The following NECAB2 variants were observed in gnomAD, a reference collection of about 807,000 sequenced individuals.
NECAB2 encodes the protein N-terminal EF-hand calcium-binding protein 2.
NECAB2 carries 68 observed loss-of-function variants against 51.9 expected under a neutral mutation model. That is an observed-to-expected ratio of 1.31 (90% CI 1.08 to 1.60). The LOEUF is 1.60. Among genes scored for constraint, NECAB2 ranks in the 40% most tolerant of loss-of-function variants. The pLI, the probability that NECAB2 is intolerant of heterozygous loss-of-function variation, is 0.00. For synonymous variants in NECAB2, 329 were observed against 203.5 expected (o/e 1.62, Z -5.25); for missense variants, 854 against 490.3 (o/e 1.74, Z -7.00).
chr16:83,992,811 T>A (rs1256370458), intron 6 of NECAB2, among the ~76,000 whole-genome samples: 3 of 152,206 alleles, frequency 2.0e-5, no homozygotes, highest in Non-Finnish European at 2.9e-5. Context: ...TGGTCAGTCT[T>A]GTGATTCTTG....
At chr16:83,967,474 G>A (rs1277072712), upstream of NECAB2, among the ~76,000 whole-genome samples, 6 of 78,808 alleles carry the variant, frequency 7.6e-5, no homozygotes, top group Non-Finnish European at 1.3e-4. Flanking sequence ...GGATGGATGG[G>A]AGGGAGGGGG....
chr16:83,987,882 C>T (rs1472164356), intron 5 of NECAB2, among the ~76,000 whole-genome samples: 1 of 152,202 alleles, frequency 6.6e-6, no homozygotes, highest in African/African-American at 2.4e-5. Context: ...CATAAGATGG[C>T]TGTAAGCATC....
intron 6 of NECAB2, among the ~76,000 whole-genome samples, chr16:83,992,377 T>TCCCCCCCCCCCCCCCCCCCCCCCCCCC (rs60014664): frequency 7.5e-6 from 1 of 133,046 alleles, no homozygotes; most frequent in African/African-American, 3.2e-5. Context: ...CGAGCACCCG[T>TCCCCCCCCCCCCCCCCCCCCCCCCCCC]CCCCCCGCCC....
intron 5 of NECAB2, among the ~76,000 whole-genome samples, chr16:83,982,142 A>G (rs938193554): frequency 7.9e-5 from 12 of 152,180 alleles, no homozygotes; most frequent in Admixed American, 6.5e-4. Flanking sequence ...GTTTGTATCA[A>G]TACGCTCCTA....
chr16:83,967,063 G>A (rs1392251955), upstream of NECAB2, among the ~76,000 whole-genome samples: 1 of 152,084 alleles, frequency 6.6e-6, no homozygotes, highest in Non-Finnish European at 1.5e-5. Context: ...ATAGAGACGG[G>A]GTTTCACCAT....
At chr16:83,966,060 A>G (rs74369854), upstream of NECAB2, 2,095 of 1,353,218 alleles carry the variant, frequency 1.5e-3, 33 homozygotes, top group African/African-American at 0.027. Flanking sequence ...AGATGACCAC[A>G]TCCCTGCTGG....
chr16:83,979,441 C>G (rs978446677), intron 3 of NECAB2, among the ~76,000 whole-genome samples: 1 of 152,106 alleles, frequency 6.6e-6, no homozygotes, highest in South Asian at 2.1e-4. Context: ...TGAGAGAGTC[C>G]TGGGGGGCAC....
chr16:83,991,924 G>A (rs796487460), intron 6 of NECAB2, among the ~76,000 whole-genome samples: 20 of 151,946 alleles, frequency 1.3e-4, no homozygotes, highest in African/African-American at 4.8e-4. Flanking sequence ...CAAAGGGCTG[G>A]GATTACAGGC....
intron 5 of NECAB2, among the ~76,000 whole-genome samples, chr16:83,983,451 A>G (rs1366580186): frequency 2.0e-5 from 3 of 152,144 alleles, no homozygotes; most frequent in Admixed American, 2.0e-4. Flanking sequence ...GCTGATTATC[A>G]TATTAATACC....
intron 2 of NECAB2, among the ~76,000 whole-genome samples, chr16:83,975,305 A>T (rs2084396523): frequency 6.7e-6 from 1 of 149,532 alleles, no homozygotes; most frequent in East Asian, 2.0e-4. Flanking sequence ...CAGGGATGAG[A>T]GCAGGTGTGC....
In NECAB2 at chr16:83,983,269, G is replaced by A. The variant is rs1177938095; in HGVS notation, c.459+2142G>A. Among the ~76,000 whole-genome samples the A allele has an allele frequency of 2.6e-5, 4 of 152,280 alleles. No homozygotes were observed. The South Asian group carries it at 8.3e-4, about 32-fold the overall frequency. ...TGTATGTGCTGTTTGCTTTCGTCAAGCCGCAGCATCAGTTATTAAGAGTGC... is the reference window on the plus strand; with the variant it reads ...TGTATGTGCTGTTTGCTTTCGTCAAACCGCAGCATCAGTTATTAAGAGTGC... On this transcript the variant is annotated intron_variant, in intron 5 of 12. Coordinates refer to ENST00000305202, the MANE Select transcript of NECAB2 (RefSeq NM_019065.3).
intron 6 of NECAB2, 58 bp downstream of exon 6, chr16:83,990,688 C>A (rs745337615): frequency 4.1e-5 from 65 of 1,587,662 alleles, no homozygotes; most frequent in Non-Finnish European, 5.5e-5. Context: ...GCGCACGTGC[C>A]CACCTGCTGC....
chr16:83,977,422 G>A (rs1233058603), intron 2 of NECAB2, among the ~76,000 whole-genome samples: 2 of 152,172 alleles, frequency 1.3e-5, no homozygotes, highest in African/African-American at 2.4e-5. Flanking sequence ...AGTCCCTGAT[G>A]TTCTTAAGCC....
In NECAB2 at chr16:84,000,732, C is replaced by T. The variant is rs1317456971; in HGVS notation, c.971C>T (p.Ala324Val). The change falls in exon 11 of 13, where the codon GCC becomes GTC. Residue 324 changes from alanine to valine, a missense_variant. Ala to Val is a moderately conservative substitution (Grantham distance 64). Coordinates refer to ENST00000305202, the MANE Select transcript of NECAB2 (RefSeq NM_019065.3). ...ACCATCTCCTGTTGCAGCATCACTG[C>T]CGTGAGGCTCTCAGATGGCTTCACC... ...TGVRNCFHIT[A>V]VRLSDGFTFV... The T allele has an allele frequency of 1.9e-6, 3 of 1,613,848 alleles. No homozygotes were observed. The highest frequency in any genetic ancestry group is 2.5e-6 in the Non-Finnish European group (3 of 1,179,952).
At chr16:83,989,892 A>G (rs150112381) in intron 5 of NECAB2, among the ~76,000 whole-genome samples, 1,648 of 151,798 alleles carry the variant, frequency 0.011, 32 homozygotes, top group African/African-American at 0.038. Context: ...CTCTCTGGCC[A>G]CCTCCTTTTG....
chr16:83,971,848 CTG>C, intron 1 of NECAB2: 1 of 556,912 alleles, frequency 1.8e-6, no homozygotes, highest in Non-Finnish European at 3.2e-6. Context: ...GGACTGATGA[CTG>C]TGGACCTACA....
chr16:84,002,136 T>G (rs1433484065), intron 12 of NECAB2, among the ~76,000 whole-genome samples, 182 bp from the exon 13 acceptor site: 1 of 152,130 alleles, frequency 6.6e-6, no homozygotes, highest in Non-Finnish European at 1.5e-5. Flanking sequence ...GGCCCCCTAC[T>G]TCCAGCCAGA....
chr16:83,994,437 G>T lies in NECAB2; in HGVS notation c.715+17G>T, dbSNP rs550301254. The T allele has an allele frequency of 8.7e-6, 14 of 1,612,670 alleles. No homozygotes were observed. The South Asian group carries it at 1.1e-4, about 13-fold the overall frequency. ...TTCCATCTGGTGAGAGAAAGCGGGGGCCCTGGTGGGGGTACCAGCTGGGGG... is the reference window on the plus strand; with the variant it reads ...TTCCATCTGGTGAGAGAAAGCGGGGTCCCTGGTGGGGGTACCAGCTGGGGG... On this transcript the variant is annotated intron_variant, in intron 7 of 12. Transcript: ENST00000305202.
At chr16:83,971,496 A>G (rs2084346556) in intron 1 of NECAB2, 1 of 152,432 alleles carries the variant, frequency 6.6e-6, no homozygotes. Context: ...GTCACTGGAA[A>G]GGCAGAACGA....
Sources: gnomAD v4.1 joint callset for allele counts (sites outside exome capture counted in the v4.1 genomes callset) on GRCh38, gnomAD v4.1.1 for gene constraint, MANE v1.5 for transcripts, NCBI Gene and HGNC (gene_info 2026-07-23, HGNC 2026-07-21) for gene names.